Variants in SLC27A2 observed in about 807,000 individuals in gnomAD.
SLC27A2 encodes long-chain fatty acid transport protein 2.
Under a neutral mutation model 60.0 loss-of-function variants are expected in SLC27A2, and 54 were observed. That is an observed-to-expected ratio of 0.90 (90% confidence interval 0.72 to 1.13). The LOEUF (loss-of-function observed/expected upper bound fraction) is 1.13, where lower values mean the gene tolerates loss of function less well. Among genes scored for constraint, SLC27A2 ranks in the 50% most tolerant of loss-of-function variants. SLC27A2 has a pLI of 0.00. For missense variants in SLC27A2, 739 were observed against 777.6 expected (o/e 0.95, Z 0.59); for synonymous variants, 297 against 297.6 (o/e 1.00, Z 0.02).
At chr15:50,232,078 C>T (rs2045320087) in intron 8 of SLC27A2, among the ~76,000 whole-genome samples, 2 of 152,202 alleles carry the variant, frequency 1.3e-5, no homozygotes, top group South Asian at 2.1e-4. Flanking sequence ...GCTGTCTGGC[C>T]CCCCATCCAC....
intron 8 of SLC27A2, among the ~76,000 whole-genome samples, chr15:50,232,489 T>G (rs1007082057): frequency 1.3e-5 from 2 of 152,176 alleles, no homozygotes; most frequent in African/African-American, 4.8e-5. Context: ...AGAGAACCCT[T>G]GGCCAAAATT....
At chr15:50,192,394 A>G (rs769411176) in intron 1 of SLC27A2, among the ~76,000 whole-genome samples, 1 of 152,218 alleles carries the variant, frequency 6.6e-6, no homozygotes, top group African/African-American at 2.4e-5. Context: ...AGGAATCACA[A>G]ACTACATGCC....
Position 50,223,142 on chromosome 15 carries a change from G to A in SLC27A2, c.1150G>A (p.Val384Ile). ...GAGAAAAGTTGGTGCTGTTGGAAGA[G>A]TAAACTACCTACAGAAAGTAAGTAC... ...YARKVGAVGRVNYLQKKIITY... is the reference protein window; with the variant it reads ...YARKVGAVGRINYLQKKIITY... The change falls in exon 5 of 10, where the codon GTA becomes ATA. Residue 384 changes from valine to isoleucine, a missense_variant. Coordinates refer to ENST00000267842, the MANE Select transcript of SLC27A2 (RefSeq NM_003645.4). 1.2e-6 allele frequency: 2 copies of A among 1,612,522 alleles called. No individual in the cohort carries two copies. The highest frequency in any genetic ancestry group is 2.7e-5 in the African/African-American group (2 of 74,998).
chr15:50,193,158 C>G (rs2044988111), intron 1 of SLC27A2, among the ~76,000 whole-genome samples: 1 of 152,206 alleles, frequency 6.6e-6, no homozygotes, highest in African/African-American at 2.4e-5. Flanking sequence ...CTTAGTCAGT[C>G]CCAGCTGATC....
intron 1 of SLC27A2, among the ~76,000 whole-genome samples, chr15:50,186,858 A>G (rs1243602930): frequency 6.6e-6 from 1 of 152,202 alleles, no homozygotes; most frequent in Non-Finnish European, 1.5e-5. Context: ...TTTCTCACTT[A>G]CGAGGCACTG....
At chr15:50,193,682 G>A (rs764589698) in intron 1 of SLC27A2, among the ~76,000 whole-genome samples, 5 of 152,156 alleles carry the variant, frequency 3.3e-5, no homozygotes, top group Non-Finnish European at 7.3e-5. Context: ...TGCCAGATCT[G>A]AATCCTTTAA....
At chr15:50,216,346 T>C (rs2140908384) in intron 4 of SLC27A2, among the ~76,000 whole-genome samples, 1 of 152,146 alleles carries the variant, frequency 6.6e-6, no homozygotes, top group African/African-American at 2.4e-5. Context: ...GGAACACTTC[T>C]ACACTACTGG....
chr15:50,182,374 C>T lies in SLC27A2; in HGVS notation c.-54C>T. ...CGGAGCCCGCCCAGTCGCCGCGCTG[C>T]ACGCCCGGGGTGAACCCTCTGCCCT... On this transcript the variant is annotated 5_prime_UTR_variant, in exon 1 of 10. Transcript: ENST00000267842. 6.9e-7 allele frequency: 1 copy of T among 1,447,100 alleles called. No individual in the cohort carries two copies. The highest frequency in any genetic ancestry group is 1.5e-5 in the African/African-American group (1 of 67,790). The allele number at this position is 1,447,100 out of a possible 1,614,324, so 89.6% of individuals were successfully genotyped here.
At chr15:50,199,393 GCA>G (rs1595683226) in intron 2 of SLC27A2, among the ~76,000 whole-genome samples, 2 of 150,738 alleles carry the variant, frequency 1.3e-5, no homozygotes, top group East Asian at 3.9e-4. Context: ...AGAATGGCAT[GCA>G]TGAACCAGGG....
chr15:50,220,563 A>G (rs868088259), intron 4 of SLC27A2, among the ~76,000 whole-genome samples: 1 of 152,246 alleles, frequency 6.6e-6, no homozygotes, highest in Admixed American at 6.5e-5. Flanking sequence ...TGGAGCTTCC[A>G]TTGCAAGCCT....
rs779413723 is a variant in SLC27A2, at chr15:50,197,720, AGGG to A, written c.688+15_688+17del. The A allele has an allele frequency of 1.3e-6, 2 of 1,596,028 alleles. No individual in the cohort carries two copies. Among genetic ancestry groups the A allele is most frequent in the Admixed American group, 1.7e-5 (1 of 59,800 alleles). The stretch of plus-strand genomic sequence containing the variant: ...CTTCTGGAACCACAGGTAAAAATAA[AGGG>A]GGGATTCTCCAAAAAAATTAATCTG... On this transcript the variant is annotated intron_variant, in intron 2 of 9. Coordinates refer to ENST00000267842, the MANE Select transcript of SLC27A2 (RefSeq NM_003645.4).
chr15:50,216,610 G>GTATATATA (rs59683706), intron 4 of SLC27A2, among the ~76,000 whole-genome samples: 17 of 66,478 alleles, frequency 2.6e-4, no homozygotes, highest in African/African-American at 6.1e-4. Flanking sequence ...GTGTGTGTGT[G>GTATATATA]TATATATATA....
chr15:50,203,416 C>T (rs1023009574), intron 3 of SLC27A2, among the ~76,000 whole-genome samples: 8 of 152,086 alleles, frequency 5.3e-5, no homozygotes, highest in Non-Finnish European at 8.8e-5. Context: ...CTTCTGTTTC[C>T]TTCTCAGACT....
rs530334660 is a variant in SLC27A2 at position 50,234,143 on chromosome 15, A to G, written c.1686+145A>G. On this transcript the variant is annotated intron_variant, in intron 9 of 9. Transcript: ENST00000267842. ...GAAGCTCAGAAAAGTGTCATAGACC[A>G]ATAAGGAAGTGGTAATATCAGGCTG... is the stretch of plus-strand genomic sequence containing the variant. 28 of 797,462 alleles carry G rather than the reference A, an allele frequency of 3.5e-5. No homozygotes were observed. In the East Asian group the frequency reaches 6.0e-4, roughly 17 times the overall value. The allele number at this position is 797,462 out of a possible 1,614,324, so 49.4% of individuals were successfully genotyped here.
chr15:50,232,871 CA>C (rs1344930753), intron 8 of SLC27A2, among the ~76,000 whole-genome samples: 2 of 152,132 alleles, frequency 1.3e-5, no homozygotes. Flanking sequence ...TATAGGTAAA[CA>C]CACAATCACC....
chr15:50,198,702 T>C (rs575287031), intron 2 of SLC27A2, among the ~76,000 whole-genome samples: 1 of 152,188 alleles, frequency 6.6e-6, no homozygotes, highest in Non-Finnish European at 1.5e-5. Context: ...TTATTATTAA[T>C]ATTGGAAAAT....
At position 50,224,772 on chromosome 15, in the gene SLC27A2, A is replaced by G. The variant is rs149520025; in HGVS notation, c.1168-1216A>G. ...ACACTAGCCACATTTCCAGTGCTGAATAGCCACGTGTGGTTAGTAACTACC... is the reference window on the plus strand; with the variant it reads ...ACACTAGCCACATTTCCAGTGCTGAGTAGCCACGTGTGGTTAGTAACTACC... On this transcript the variant is annotated intron_variant, in intron 5 of 9. Transcript: ENST00000267842. Among the ~76,000 whole-genome samples, 729 of 152,356 alleles carry G rather than the reference A, an allele frequency of 4.8e-3. 4 individuals carry two copies. Among genetic ancestry groups the G allele is most frequent in the African/African-American group, 0.017 (694 of 41,578 alleles).
At chr15:50,209,078 A>G (rs533314754) in intron 4 of SLC27A2, among the ~76,000 whole-genome samples, 16 of 152,318 alleles carry the variant, frequency 1.1e-4, no homozygotes, top group African/African-American at 3.6e-4. Flanking sequence ...GGAGGAAGAC[A>G]GAAAGGGAAC....
In SLC27A2 at chr15:50,190,531, T is replaced by C. The variant is rs560028800; in HGVS notation, c.479-6969T>C. 5.9e-5 allele frequency among the ~76,000 whole-genome samples: 9 copies of C among 151,974 alleles called. No homozygotes were observed. The East Asian group carries it at 7.7e-4, about 13-fold the overall frequency. On this transcript the variant is annotated intron_variant, in intron 1 of 9. Coordinates refer to ENST00000267842, the MANE Select transcript of SLC27A2 (RefSeq NM_003645.4). Reference sequence around the variant, plus strand: ...GCCTGAGCACCTGACACCTTAGTAATGAAGATTGATTCAGCTCACCACCTA... The same window carrying C: ...GCCTGAGCACCTGACACCTTAGTAACGAAGATTGATTCAGCTCACCACCTA...
Sources: gnomAD v4.1 joint callset for allele counts (sites outside exome capture counted in the v4.1 genomes callset) on GRCh38, gnomAD v4.1.1 for gene constraint, MANE v1.5 for transcripts, NCBI Gene and HGNC (gene_info 2026-07-23, HGNC 2026-07-21) for gene names.